The following UGT8 variants were observed in gnomAD, a reference collection of about 807,000 sequenced individuals.
UGT8 encodes UDP glycosyltransferase 8.
In UGT8, 12 loss-of-function variants were observed where a neutral mutation model predicts 40.5. The observed-to-expected ratio is 0.30, with a 90% CI of 0.19 to 0.48. UGT8 has a LOEUF of 0.48. Ranked by LOEUF, UGT8 falls within the 20% of genes least tolerant of loss-of-function variation. The pLI, the probability that UGT8 is intolerant of heterozygous loss-of-function variation, is 0.99. For missense variants in UGT8, 513 were observed against 648.7 expected (o/e 0.79, Z 2.27); for synonymous variants, 224 against 240.4 (o/e 0.93, Z 0.63).
In UGT8 at chr4:114,606,747, G is replaced by C. The variant is rs1730757512; in HGVS notation, c.-3+7773G>C. Among the ~76,000 whole-genome samples the C allele has an allele frequency of 1.3e-5, 2 of 152,108 alleles. 1 individual carries two copies. Among genetic ancestry groups the C allele is most frequent in the South Asian group, 4.1e-4 (2 of 4,830 alleles). ...TAGAAGCAGGGGATAAGGACAAGAT[G>C]GGGAGAAGGAAGGGAAAAACAATGG... On this transcript the variant is annotated intron_variant, in intron 1 of 5. Transcript: ENST00000310836.
intron 3 of UGT8, among the ~76,000 whole-genome samples, chr4:114,664,368 A>C (rs1409948918): frequency 6.6e-6 from 1 of 152,186 alleles, no homozygotes; most frequent in Non-Finnish European, 1.5e-5. Flanking sequence ...TATGATTCAG[A>C]ATGACTTTTC....
chr4:114,652,355 G>A (rs78697221), intron 2 of UGT8, among the ~76,000 whole-genome samples: 185 of 151,960 alleles, frequency 1.2e-3, no homozygotes, highest in Non-Finnish European at 1.9e-3. Flanking sequence ...ATGTCAGCTG[G>A]TAGTTGGACC....
rs1735683037 is a variant in UGT8 at position 114,676,781 on chromosome 4, T to C, written c.*493T>C. On this transcript the variant is annotated 3_prime_UTR_variant, in exon 6 of 6. Transcript: ENST00000310836. ...AAAGGATAGTCAGGATCCAGATGTT[T>C]CTTTTCTAGCATTTAATGTGTGTGA... 1 of 151,974 alleles carries C rather than the reference T, an allele frequency of 6.6e-6. No homozygotes were observed. The highest frequency in any genetic ancestry group is 2.1e-4 in the South Asian group (1 of 4,816). The allele number at this position is 151,974 out of a possible 1,614,324, so 9.4% of individuals were successfully genotyped here.
At chr4:114,628,853 A>T (rs947817446) in intron 2 of UGT8, among the ~76,000 whole-genome samples, 1 of 149,666 alleles carries the variant, frequency 6.7e-6, no homozygotes, top group Non-Finnish European at 1.5e-5. Flanking sequence ...TCAGAGAATG[A>T]TCTTGGGGAC....
intron 2 of UGT8, among the ~76,000 whole-genome samples, chr4:114,653,676 A>G (rs1185781802): frequency 6.6e-6 from 1 of 152,084 alleles, no homozygotes; most frequent in African/African-American, 2.4e-5. Context: ...TCCTTTAGAA[A>G]TTCAACTCTG....
intron 1 of UGT8, among the ~76,000 whole-genome samples, chr4:114,601,307 A>G (rs1730428033): frequency 1.3e-5 from 2 of 152,226 alleles, no homozygotes; most frequent in Non-Finnish European, 2.9e-5. Flanking sequence ...TATCAGCTTC[A>G]TTACCATTTA....
At chr4:114,629,975 T>C (rs919019247) in intron 2 of UGT8, among the ~76,000 whole-genome samples, 1 of 152,218 alleles carries the variant, frequency 6.6e-6, no homozygotes, top group East Asian at 1.9e-4. Flanking sequence ...TTTTTAGAAA[T>C]GACAAATTTC....
intron 2 of UGT8, among the ~76,000 whole-genome samples, chr4:114,644,690 C>T (rs1733445725): frequency 6.6e-6 from 1 of 152,106 alleles, no homozygotes; most frequent in Non-Finnish European, 1.5e-5. Flanking sequence ...AAGCCTTTTG[C>T]TGCCTAAAAT....
intron 2 of UGT8, among the ~76,000 whole-genome samples, chr4:114,650,327 T>G (rs913758945): frequency 2.6e-5 from 4 of 152,180 alleles, no homozygotes; most frequent in African/African-American, 9.7e-5. Flanking sequence ...TTTAACCCAT[T>G]TATGCCGGAG....
At chr4:114,659,356 C>G (rs971804820) in intron 2 of UGT8, among the ~76,000 whole-genome samples, 3 of 152,096 alleles carry the variant, frequency 2.0e-5, no homozygotes, top group African/African-American at 7.2e-5. Context: ...AACAAAATTA[C>G]TTTATAGATA....
At chr4:114,649,437 A>T (rs968827934) in intron 2 of UGT8, among the ~76,000 whole-genome samples, 3 of 152,216 alleles carry the variant, frequency 2.0e-5, no homozygotes, top group African/African-American at 7.2e-5. Flanking sequence ...AGCTATACAC[A>T]GTGGAAGTTT....
intron 2 of UGT8, among the ~76,000 whole-genome samples, chr4:114,627,857 TTTG>T (rs1416155843): frequency 6.6e-6 from 1 of 152,184 alleles, no homozygotes. Flanking sequence ...TTGTACTGTT[TTTG>T]TTGTTGTTTG....
In UGT8 at chr4:114,656,953, G is replaced by C. The variant is rs149331854; in HGVS notation, c.823-7042G>C. 4.9e-4 allele frequency: 188 copies of C among 387,596 alleles called. 1 individual carries two copies. The highest frequency in any genetic ancestry group is 3.2e-3 in the African/African-American group (143 of 45,010). 24.0% of individuals were successfully genotyped at this position (387,596 alleles called of 1,614,324 possible). A position where few individuals can be genotyped will look rare whatever the true frequency, so the allele number is the denominator to read the frequency against. ...TCCCAAGTGTCAGATATGGTACATA[G>C]CAGCTGGTCATGGCTATCAAATAAT... On this transcript the variant is annotated intron_variant, in intron 2 of 5. Coordinates refer to ENST00000310836, the MANE Select transcript of UGT8 (RefSeq NM_001128174.3).
At chr4:114,668,935 G>A (rs1011352483) in intron 5 of UGT8, among the ~76,000 whole-genome samples, 3 of 152,122 alleles carry the variant, frequency 2.0e-5, no homozygotes, top group African/African-American at 7.2e-5. Flanking sequence ...TGAAGAACTG[G>A]CCTGTGTAGT....
chr4:114,629,065 A>G (rs1449797169), intron 2 of UGT8, among the ~76,000 whole-genome samples: 1 of 152,130 alleles, frequency 6.6e-6, no homozygotes, highest in Non-Finnish European at 1.5e-5. Context: ...AGGCTTGGAT[A>G]TGAGACCAGG....
chr4:114,633,574 C>T (rs1732707944), intron 2 of UGT8, among the ~76,000 whole-genome samples: 1 of 152,182 alleles, frequency 6.6e-6, no homozygotes, highest in African/African-American at 2.4e-5. Flanking sequence ...CATGCAAAGC[C>T]TTGTTCACTG....
In UGT8 at chr4:114,676,011, A is replaced by G; in HGVS notation, c.1349A>G (p.Tyr450Cys). Residue 450 changes from tyrosine to cysteine, a missense_variant, in exon 6 of 6, where the codon TAT becomes TGT. Transcript: ENST00000310836. ...PVNRTIYWIDYIIRHNGAHHL... is the reference protein window; with the variant it reads ...PVNRTIYWIDCIIRHNGAHHL... ...AATCGAACTATCTATTGGATAGATTATATTATTCGTCACAATGGAGCCCAT... is the reference window on the plus strand; with the variant it reads ...AATCGAACTATCTATTGGATAGATTGTATTATTCGTCACAATGGAGCCCAT... The G allele has an allele frequency of 1.2e-6, 2 of 1,614,196 alleles. No individual in the cohort carries two copies. The highest frequency in any genetic ancestry group is 1.7e-6 in the Non-Finnish European group (2 of 1,180,042).
At chr4:114,674,770 A>G (rs1041385242) in intron 5 of UGT8, among the ~76,000 whole-genome samples, 1 of 152,198 alleles carries the variant, frequency 6.6e-6, no homozygotes, top group African/African-American at 2.4e-5. Context: ...TTCCTCTATA[A>G]TGCACAACTC....
At chr4:114,671,127 G>T (rs547370118) in intron 5 of UGT8, among the ~76,000 whole-genome samples, 1 of 152,174 alleles carries the variant, frequency 6.6e-6, no homozygotes, top group African/African-American at 2.4e-5. Context: ...TCTTCAAGGA[G>T]AACTACAAAC....
Sources: allele counts gnomAD v4.1 joint callset (sites outside exome capture counted in the v4.1 genomes callset), GRCh38; gene constraint gnomAD v4.1.1; transcripts MANE v1.5; gene names NCBI Gene and HGNC (gene_info 2026-07-23, HGNC 2026-07-21).